Variants in APBB1IP observed in about 807,000 individuals in gnomAD.
APBB1IP encodes the protein amyloid beta precursor protein binding family B member 1 interacting protein, also known as amyloid beta A4 precursor protein-binding family B member 1-interacting protein.
APBB1IP carries 27 observed loss-of-function variants against 64.9 expected under a neutral mutation model. That is an observed-to-expected ratio of 0.42 (90% CI 0.31 to 0.57). The LOEUF (loss-of-function observed/expected upper bound fraction) is 0.57, where lower values mean the gene tolerates loss of function less well. Ranked by LOEUF, APBB1IP falls within the 20% of genes least tolerant of loss-of-function variation. The pLI, the probability that APBB1IP is intolerant of heterozygous loss-of-function variation, is 0.20. For missense variants in APBB1IP, 812 were observed against 845.5 expected (o/e 0.96, Z 0.49); for synonymous variants, 392 against 331.0 (o/e 1.18, Z -2.00).
At chr10:26,554,208 G>A (rs1394519595) in intron 11 of APBB1IP, among the ~76,000 whole-genome samples, 2 of 152,078 alleles carry the variant, frequency 1.3e-5, no homozygotes, top group African/African-American at 2.4e-5. Context: ...TACTCTATTC[G>A]TTTTCTGGAG....
In APBB1IP at chr10:26,543,382, A is replaced by G. The variant is rs184751215; in HGVS notation, c.1155+1690A>G. ...TTGGGGGGCTTGAGGCAGGAGAATC[A>G]CTTGAACCCGGGAGGCGGAGGTTGC... On this transcript the variant is annotated intron_variant, in intron 11 of 14. Coordinates refer to ENST00000376236, the MANE Select transcript of APBB1IP (RefSeq NM_019043.4). 8.3e-3 allele frequency among the ~76,000 whole-genome samples: 1,254 copies of G among 151,192 alleles called. 13 individuals are homozygous for G. Among genetic ancestry groups the G allele is most frequent in the Non-Finnish European group, 0.013 (860 of 67,810 alleles).
chr10:26,446,886 A>T (rs2132394997), intron 2 of APBB1IP, among the ~76,000 whole-genome samples: 1 of 125,566 alleles, frequency 8.0e-6, no homozygotes. Context: ...AGAGAGATAG[A>T]TAGAAATAGA....
intron 8 of APBB1IP, among the ~76,000 whole-genome samples, chr10:26,523,740 G>A (rs1836434188): frequency 6.6e-6 from 1 of 151,970 alleles, no homozygotes; most frequent in Admixed American, 6.6e-5. Context: ...AGGCCAAGGT[G>A]GGAGGATCAC....
At chr10:26,494,883 A>G (rs531063342) in intron 3 of APBB1IP, among the ~76,000 whole-genome samples, 3 of 152,260 alleles carry the variant, frequency 2.0e-5, no homozygotes, top group South Asian at 2.1e-4. Flanking sequence ...TATATTCCCA[A>G]TAAGAGTCAG....
chr10:26,501,510 T>A (rs915816827), intron 5 of APBB1IP: 6 of 278,638 alleles, frequency 2.2e-5, no homozygotes, highest in Admixed American at 4.7e-5. Context: ...CTGAGTAGAG[T>A]GAAATTGAAT....
chr10:26,515,243 C>T (rs938609553), intron 8 of APBB1IP, among the ~76,000 whole-genome samples: 2 of 152,136 alleles, frequency 1.3e-5, no homozygotes, highest in East Asian at 1.9e-4. Flanking sequence ...AGCAAAGAGA[C>T]TCTTAAATCA....
At chr10:26,530,806 C>T (rs193290207) in intron 8 of APBB1IP, among the ~76,000 whole-genome samples, 368 of 152,200 alleles carry the variant, frequency 2.4e-3, no homozygotes, top group African/African-American at 7.7e-3. Context: ...ACCTATGTTA[C>T]GGGGTTCTTG....
rs35712977 is a variant in APBB1IP at position 26,473,999 on chromosome 10, CAA to C, written c.1-18306_1-18305del. On this transcript the variant is annotated intron_variant, in intron 2 of 14. Coordinates refer to ENST00000376236, the MANE Select transcript of APBB1IP (RefSeq NM_019043.4). Reference sequence around the variant, plus strand: ...CCTGGGTGACAGAGCCACCCTGTCTCAAAAAAAAAAAAAAAAAAAAAAAGTAT... The same window carrying C: ...CCTGGGTGACAGAGCCACCCTGTCTCAAAAAAAAAAAAAAAAAAAAAGTAT... Among the ~76,000 whole-genome samples the C allele has an allele frequency of 4.9e-3, 328 of 67,354 alleles. 3 individuals are homozygous for C. Among genetic ancestry groups the C allele is most frequent in the African/African-American group, 0.017 (297 of 17,910 alleles). The allele number at this position is 67,354 out of a possible 152,430, so 44.2% of individuals were successfully genotyped here.
intron 2 of APBB1IP, among the ~76,000 whole-genome samples, chr10:26,449,111 CT>C (rs1835433292): frequency 6.6e-6 from 1 of 152,168 alleles, no homozygotes; most frequent in Non-Finnish European, 1.5e-5. Context: ...CAGTTCTTTC[CT>C]TGTTAAGAAT....
chr10:26,542,766 C>CT (rs34900901), intron 11 of APBB1IP, among the ~76,000 whole-genome samples: 50,686 of 147,674 alleles, frequency 0.34, 8,806 homozygotes, highest in Admixed American at 0.48. Flanking sequence ...ATGTCCTAGC[C>CT]TTTTTTTTTT....
Position 26,475,358 on chromosome 10 carries a change from C to T in APBB1IP, c.1-16969C>T, listed in dbSNP as rs570620379. On this transcript the variant is annotated intron_variant, in intron 2 of 14. Coordinates refer to ENST00000376236, the MANE Select transcript of APBB1IP (RefSeq NM_019043.4). ...GGCTGGTCTTGAACTCCTGACCTCA[C>T]GTGATCTGCCCACCTGGGCCTCCCA... 5.9e-5 allele frequency among the ~76,000 whole-genome samples: 9 copies of T among 152,160 alleles called. No homozygotes were observed. The East Asian group carries it at 1.2e-3, about 20-fold the overall frequency.
At chr10:26,518,974 C>T (rs992062295) in intron 8 of APBB1IP, among the ~76,000 whole-genome samples, 2 of 152,114 alleles carry the variant, frequency 1.3e-5, no homozygotes, top group African/African-American at 4.8e-5. Flanking sequence ...GGGCCATTCT[C>T]ACACTGCTAT....
At chr10:26,538,641 C>T (rs915584422) in intron 10 of APBB1IP, among the ~76,000 whole-genome samples, 1 of 77,868 alleles carries the variant, frequency 1.3e-5, no homozygotes, top group African/African-American at 4.9e-5. Context: ...GATTCCATCT[C>T]AAAAAAAAAA....
chr10:26,440,534 T>G (rs948550177), intron 2 of APBB1IP, among the ~76,000 whole-genome samples: 9 of 152,206 alleles, frequency 5.9e-5, no homozygotes, highest in African/African-American at 1.4e-4. Flanking sequence ...TCCATCTTAT[T>G]TGAAAACTGA....
At chr10:26,473,981 G>T (rs1019263190) in intron 2 of APBB1IP, among the ~76,000 whole-genome samples, 3 of 134,596 alleles carry the variant, frequency 2.2e-5, no homozygotes, top group Non-Finnish European at 3.1e-5. Context: ...CAGCCTGGGT[G>T]ACAGAGCCAC....
At chr10:26,451,924 T>C (rs1396687296) in intron 2 of APBB1IP, among the ~76,000 whole-genome samples, 1 of 152,172 alleles carries the variant, frequency 6.6e-6, no homozygotes, top group African/African-American at 2.4e-5. Context: ...GGATATTAGA[T>C]ATCAATTATC....
chr10:26,469,078 T>C (rs778650103), intron 2 of APBB1IP, among the ~76,000 whole-genome samples: 60 of 148,052 alleles, frequency 4.1e-4, no homozygotes, highest in Admixed American at 1.5e-3. Context: ...TCTCAAAAGA[T>C]AGTCCTTTTC....
chr10:26,446,906 T>C (rs1835405951), intron 2 of APBB1IP, among the ~76,000 whole-genome samples: 1 of 142,548 alleles, frequency 7.0e-6, no homozygotes, highest in African/African-American at 2.5e-5. Context: ...ATAGATATGG[T>C]CCCTACCCTC....
chr10:26,524,955 C>CTT (rs56982662), intron 8 of APBB1IP, among the ~76,000 whole-genome samples: 1,649 of 73,938 alleles, frequency 0.022, 122 homozygotes, highest in African/African-American at 0.058. Context: ...TTCTTTCTTT[C>CTT]TTTTTTTTTT....
Sources: allele counts gnomAD v4.1 joint callset (sites outside exome capture counted in the v4.1 genomes callset), GRCh38; gene constraint gnomAD v4.1.1; transcripts MANE v1.5; gene names NCBI Gene and HGNC (gene_info 2026-07-23, HGNC 2026-07-21).